Variants in QRICH1 observed in about 807,000 individuals in gnomAD.
The protein encoded by QRICH1 is glutamine rich 1, also known as transcriptional regulator QRICH1.
Under a neutral mutation model 87.1 loss-of-function variants are expected in QRICH1, and 16 were observed. The ratio of observed to expected loss-of-function variants is 0.18; its 90% CI spans 0.12 to 0.28. QRICH1 has a LOEUF of 0.28. QRICH1 is among the 10% of genes least tolerant of loss of function. The pLI, the probability that QRICH1 is intolerant of heterozygous loss-of-function variation, is 1.00. For missense variants in QRICH1, 647 were observed against 951.7 expected (o/e 0.68, Z 4.21); for synonymous variants, 367 against 368.4 (o/e 1.00, Z 0.05).
intron 6 of QRICH1, among the ~76,000 whole-genome samples, chr3:49,041,343 G>A (rs1227148856): frequency 3.3e-5 from 5 of 150,356 alleles, no homozygotes; most frequent in African/African-American, 7.3e-5. Flanking sequence ...TTTAATATGT[G>A]TGTGTGTGTG....
In QRICH1 at chr3:49,030,417, C is replaced by G. The variant is rs2093228182; in HGVS notation, c.*35G>C. The G allele has an allele frequency of 6.3e-7, 1 of 1,595,518 alleles. No homozygotes were observed. The highest frequency in any genetic ancestry group is 1.7e-5 in the Admixed American group (1 of 57,898). ...AGTGTGAAAGTCTGTCTGGTTTTTC[C>G]TGGCTGGTTTCTCTTGTGCCATGGC... is the stretch of plus-strand genomic sequence containing the variant. On this transcript the variant is annotated 3_prime_UTR_variant, in exon 10 of 10. Transcript: ENST00000395443.
intron 1 of QRICH1, among the ~76,000 whole-genome samples, chr3:49,085,734 G>A (rs1442135396): frequency 2.6e-5 from 4 of 150,996 alleles, no homozygotes; most frequent in South Asian, 2.1e-4. Flanking sequence ...CTCCGGCCTG[G>A]GCAACAAGGG....
Position 49,088,554 on chromosome 3 carries a change from GC to G in QRICH1, c.-22+5357del, listed in dbSNP as rs1344028227. Among the ~76,000 whole-genome samples, 4 of 148,566 alleles carry G rather than the reference GC, an allele frequency of 2.7e-5. No homozygotes were observed. In the South Asian group the frequency reaches 6.4e-4, roughly 24 times the overall value. ...CTCAGGTGAGGAGTTCATTTCCACG[GC>G]CCCCCTCGACCTCCCAAAGTGCTGG... On this transcript the variant is annotated intron_variant, in intron 1 of 9. Transcript: ENST00000395443.
intron 3 of QRICH1, among the ~76,000 whole-genome samples, chr3:49,054,759 G>A (rs766854049): frequency 2.0e-5 from 3 of 152,160 alleles, no homozygotes; most frequent in East Asian, 1.9e-4. Flanking sequence ...TATATATGCC[G>A]AGTGTGGTAG....
intron 1 of QRICH1, among the ~76,000 whole-genome samples, chr3:49,086,296 G>A (rs183114052): frequency 6.1e-4 from 89 of 144,946 alleles, no homozygotes; most frequent in East Asian, 4.8e-3. Flanking sequence ...TCACTCTGTC[G>A]CCCAGGCTGG....
chr3:49,069,109 T>TATTATTA (rs59623077), intron 2 of QRICH1, among the ~76,000 whole-genome samples: 6 of 125,326 alleles, frequency 4.8e-5, no homozygotes, highest in Admixed American at 8.0e-5. Flanking sequence ...TTATTATTAT[T>TATTATTA]TTTTTTTTTT....
chr3:49,041,970 T>G (rs2093312859), intron 6 of QRICH1, among the ~76,000 whole-genome samples: 1 of 151,740 alleles, frequency 6.6e-6, no homozygotes, highest in Admixed American at 6.6e-5. Context: ...GACAACGTTT[T>G]ATGTGTTGGC....
In QRICH1 at chr3:49,032,763, A is replaced by T. The variant is rs746526268; in HGVS notation, c.1906T>A (p.Leu636Met). The T allele has an allele frequency of 4.4e-6, 7 of 1,605,824 alleles. No individual in the cohort carries two copies. Among genetic ancestry groups the T allele is most frequent in the Non-Finnish European group, 5.1e-6 (6 of 1,177,598 alleles). The change falls in exon 8 of 10, where the codon TTG becomes ATG. Residue 636 changes from leucine (L) to methionine (M), a missense_variant. Physicochemically the swap from Leu to Met is conservative, Grantham distance 15. Coordinates refer to ENST00000395443, the MANE Select transcript of QRICH1 (RefSeq NM_198880.3). ...LMFFNTKYFL[L>M]KTVDQHMKLA... Reference sequence around the variant, plus strand: ...TTCATGTGCTGGTCCACTGTCTTCAATAGGAAGTACCTGGATCACAAGTAA... The same window carrying T: ...TTCATGTGCTGGTCCACTGTCTTCATTAGGAAGTACCTGGATCACAAGTAA...
At chr3:49,088,562 C>T (rs993526145) in intron 1 of QRICH1, among the ~76,000 whole-genome samples, 2 of 150,066 alleles carry the variant, frequency 1.3e-5, no homozygotes, top group African/African-American at 4.9e-5. Flanking sequence ...CGGCCCCCCT[C>T]GACCTCCCAA....
intron 1 of QRICH1, among the ~76,000 whole-genome samples, chr3:49,089,562 G>A (rs528680430): frequency 6.6e-6 from 1 of 152,174 alleles, no homozygotes; most frequent in African/African-American, 2.4e-5. Flanking sequence ...CAGCAGCATT[G>A]TTAAGAGCCA....
At chr3:49,080,905 CCTCTAGTTCTTCATCATGCCATTGCA>C (rs1334928335) in intron 1 of QRICH1, among the ~76,000 whole-genome samples, 4 of 143,816 alleles carry the variant, frequency 2.8e-5, no homozygotes, top group African/African-American at 1.0e-4. Context: ...TATGCTTTGA[CCTCTAGTTCTTCATCATGCCATTGCA>C]CTCCAGGCTG....
At chr3:49,081,958 C>A (rs1938537133) in intron 1 of QRICH1, among the ~76,000 whole-genome samples, 2 of 152,162 alleles carry the variant, frequency 1.3e-5, no homozygotes, top group Non-Finnish European at 2.9e-5. Context: ...CAGGCATACG[C>A]CACCATGCCC....
chr3:49,070,517 G>C (rs937945769), intron 2 of QRICH1, among the ~76,000 whole-genome samples: 16 of 152,094 alleles, frequency 1.1e-4, no homozygotes, highest in Non-Finnish European at 2.2e-4. Flanking sequence ...ACAGCTCACT[G>C]CAACTTCGAA....
chr3:49,069,942 C>T (rs1054465466), intron 2 of QRICH1, among the ~76,000 whole-genome samples: 3 of 152,088 alleles, frequency 2.0e-5, no homozygotes, highest in Non-Finnish European at 4.4e-5. Flanking sequence ...CCCCAGTGGA[C>T]CTCTACTCTG....
At chr3:49,089,510 G>T (rs867002128) in intron 1 of QRICH1, among the ~76,000 whole-genome samples, 3 of 152,034 alleles carry the variant, frequency 2.0e-5, no homozygotes, top group African/African-American at 7.2e-5. Flanking sequence ...ATATATGAAG[G>T]AACTTTTTTT....
At chr3:49,090,320 A>C (rs1403045636) in intron 1 of QRICH1, among the ~76,000 whole-genome samples, 3 of 152,196 alleles carry the variant, frequency 2.0e-5, no homozygotes, top group Non-Finnish European at 2.9e-5. Flanking sequence ...TTAGCCGGGC[A>C]TGGTGGCAGG....
chr3:49,090,256 A>G lies in QRICH1; in HGVS notation c.-22+3656T>C, dbSNP rs534290031. Among the ~76,000 whole-genome samples, 217 of 152,202 alleles carry G rather than the reference A, an allele frequency of 1.4e-3. 1 individual carries two copies. The highest frequency in any genetic ancestry group is 2.3e-3 in the Admixed American group (35 of 15,292). On this transcript the variant is annotated intron_variant, in intron 1 of 9. Transcript: ENST00000395443. ...GGGCGGATCACGAGGTCAGGAGATCAAGACCATGCTGGCTAACACGGTGAA... is the reference window on the plus strand; with the variant it reads ...GGGCGGATCACGAGGTCAGGAGATCGAGACCATGCTGGCTAACACGGTGAA...
At chr3:49,087,980 C>G (rs2042202047) in intron 1 of QRICH1, among the ~76,000 whole-genome samples, 1 of 146,850 alleles carries the variant, frequency 6.8e-6, no homozygotes, top group Non-Finnish European at 1.5e-5. Context: ...GAGACAGAGT[C>G]TCACTCTGTC....
At chr3:49,064,983 GCC>G (rs1223856453) in intron 2 of QRICH1, among the ~76,000 whole-genome samples, 1 of 152,076 alleles carries the variant, frequency 6.6e-6, no homozygotes, top group Non-Finnish European at 1.5e-5. Context: ...TGTCACTCAT[GCC>G]AGCCTGGGGG....
Sources: allele counts gnomAD v4.1 joint callset (sites outside exome capture counted in the v4.1 genomes callset), GRCh38; gene constraint gnomAD v4.1.1; transcripts MANE v1.5; gene names NCBI Gene and HGNC (gene_info 2026-07-23, HGNC 2026-07-21).